Variants in CUL3 observed in about 807,000 individuals in gnomAD.
CUL3 encodes the protein cullin 3, also known as cullin-3.
In CUL3, 19 loss-of-function variants were observed where a neutral mutation model predicts 89.1. The ratio of observed to expected loss-of-function variants is 0.21; its 90% CI spans 0.15 to 0.31. CUL3 has a LOEUF of 0.31. CUL3 is among the 10% of genes least tolerant of loss of function. The probability of loss-of-function intolerance (pLI) is 1.00; values close to 1 mark genes in which losing one functional copy is unlikely to be tolerated. For missense variants in CUL3, 469 were observed against 942.3 expected (o/e 0.50, Z 6.58); for synonymous variants, 351 against 308.4 (o/e 1.14, Z -1.45).
chr2:224,535,147 G>A (rs17480230), intron 3 of CUL3, among the ~76,000 whole-genome samples: 41,529 of 152,012 alleles, frequency 0.27, 6,245 homozygotes, highest in Middle Eastern at 0.4. Context: ...ACACTGAGAC[G>A]TACTATAACT....
intron 13 of CUL3, among the ~76,000 whole-genome samples, chr2:224,486,908 C>T (rs1485017566): frequency 6.6e-6 from 1 of 152,202 alleles, no homozygotes; most frequent in Non-Finnish European, 1.5e-5. Flanking sequence ...AGACTAACAG[C>T]AGATCCCTCT....
At position 224,472,714 on chromosome 2, in the gene CUL3, C is replaced by CT. The variant is rs1338790090; in HGVS notation, c.*1530dup. The stretch of plus-strand genomic sequence containing the variant: ...TTGCAATAAAAGCATATTTGCAAGT[C>CT]TAAAAGGAAAATTATAACCCAAGAC... On this transcript the variant is annotated 3_prime_UTR_variant, in exon 16 of 16. Transcript: ENST00000264414. 1.5e-5 allele frequency: 3 copies of CT among 195,026 alleles called. No individual in the cohort carries two copies. Among genetic ancestry groups the CT allele is most frequent in the Non-Finnish European group, 3.2e-5 (3 of 93,538 alleles). 12.1% of individuals were successfully genotyped at this position (195,026 alleles called of 1,614,324 possible). A position where few individuals can be genotyped will look rare whatever the true frequency, so the allele number is the denominator to read the frequency against.
intron 13 of CUL3, among the ~76,000 whole-genome samples, chr2:224,494,547 G>C (rs1692097055): frequency 6.6e-6 from 1 of 152,030 alleles, no homozygotes. Flanking sequence ...CATAAAGACA[G>C]ACATAGAGAT....
At chr2:224,483,155 C>T (rs1458386724) in intron 13 of CUL3, among the ~76,000 whole-genome samples, 1 of 152,056 alleles carries the variant, frequency 6.6e-6, no homozygotes, top group Non-Finnish European at 1.5e-5. Context: ...AAATGCTAAT[C>T]CCAGAAAATA....
At chr2:224,478,574 T>A (rs1691412644) in intron 14 of CUL3, 1 of 394,530 alleles carries the variant, frequency 2.5e-6, no homozygotes, top group African/African-American at 2.0e-5. Context: ...AAGTTGATTT[T>A]GTTTTTATGC....
intron 1 of CUL3, among the ~76,000 whole-genome samples, chr2:224,565,038 AC>A (rs1273683617): frequency 2.0e-5 from 3 of 152,134 alleles, no homozygotes. Flanking sequence ...CATCCCGAAT[AC>A]AGCTGACCAC....
At chr2:224,555,904 ATGTG>A (rs1166517481) in intron 2 of CUL3, among the ~76,000 whole-genome samples, 22 of 152,308 alleles carry the variant, frequency 1.4e-4, no homozygotes, top group Non-Finnish European at 1.2e-4. Context: ...GGTTATCTAA[ATGTG>A]TGTATCATCC....
At chr2:224,535,905 CATT>C (rs1313181443) in intron 2 of CUL3, among the ~76,000 whole-genome samples, 1 of 152,160 alleles carries the variant, frequency 6.6e-6, no homozygotes, top group Admixed American at 6.5e-5. Context: ...GACTTGACAT[CATT>C]GTCAGAGTAA....
chr2:224,512,118 CAG>C (rs1054186013), intron 5 of CUL3, among the ~76,000 whole-genome samples: 37 of 148,932 alleles, frequency 2.5e-4, no homozygotes, highest in African/African-American at 7.7e-4. Context: ...TTTTTTGAGA[CAG>C]AGTCTCGCTC....
intron 13 of CUL3, chr2:224,494,992 C>G (rs766162308): frequency 6.6e-6 from 1 of 151,892 alleles, no homozygotes; most frequent in Non-Finnish European, 1.5e-5. Flanking sequence ...ATATATCTGA[C>G]GAAGGACTTG....
intron 1 of CUL3, among the ~76,000 whole-genome samples, chr2:224,567,625 A>G (rs1366504603): frequency 6.6e-6 from 1 of 151,988 alleles, no homozygotes. Context: ...CTGTCGTCCC[A>G]GCTACTCGGG....
chr2:224,545,371 T>C (rs1377891263), intron 2 of CUL3, among the ~76,000 whole-genome samples: 3 of 151,912 alleles, frequency 2.0e-5, no homozygotes, highest in Non-Finnish European at 4.4e-5. Flanking sequence ...AGGGAAAAAA[T>C]TTTCTCCATT....
At chr2:224,554,056 G>A (rs1252570185) in intron 2 of CUL3, among the ~76,000 whole-genome samples, 1 of 152,000 alleles carries the variant, frequency 6.6e-6, no homozygotes, top group Non-Finnish European at 1.5e-5. Context: ...CCGAAACACT[G>A]ATCTCACACT....
At chr2:224,535,061 G>T (rs959305900) in intron 3 of CUL3, among the ~76,000 whole-genome samples, 7 of 145,858 alleles carry the variant, frequency 4.8e-5, no homozygotes, top group Non-Finnish European at 7.6e-5. Flanking sequence ...AATAAATAAA[G>T]ATTTTTATTC....
chr2:224,564,051 C>T (rs1167008191), intron 1 of CUL3, among the ~76,000 whole-genome samples: 1 of 152,058 alleles, frequency 6.6e-6, no homozygotes, highest in African/African-American at 2.4e-5. Context: ...TTTGGGAGGC[C>T]CAGGTGGACA....
intron 6 of CUL3, among the ~76,000 whole-genome samples, chr2:224,508,589 A>C (rs550743334): frequency 1.3e-5 from 2 of 152,340 alleles, no homozygotes; most frequent in African/African-American, 4.8e-5. Flanking sequence ...GTTGGGGTAA[A>C]GGGAATGTAA....
At chr2:224,505,286 C>A (rs950202598) in intron 8 of CUL3, among the ~76,000 whole-genome samples, 1 of 151,954 alleles carries the variant, frequency 6.6e-6, no homozygotes, top group Non-Finnish European at 1.5e-5. Flanking sequence ...TACAGGCATC[C>A]ACCACCATGC....
At chr2:224,486,348 G>A (rs1372164272) in intron 13 of CUL3, among the ~76,000 whole-genome samples, 1 of 152,064 alleles carries the variant, frequency 6.6e-6, no homozygotes, top group Non-Finnish European at 1.5e-5. Context: ...ACCCTAAGAA[G>A]CTAAGAAGCT....
At chr2:224,533,613 T>C (rs1261761581) in intron 3 of CUL3, among the ~76,000 whole-genome samples, 1 of 152,256 alleles carries the variant, frequency 6.6e-6, no homozygotes, top group Admixed American at 6.5e-5. Flanking sequence ...TCTATCTTAA[T>C]GTTAGATAGT....
Sources: gnomAD v4.1 joint callset for allele counts (sites outside exome capture counted in the v4.1 genomes callset) on GRCh38, gnomAD v4.1.1 for gene constraint, MANE v1.5 for transcripts, NCBI Gene and HGNC (gene_info 2026-07-23, HGNC 2026-07-21) for gene names.